The following SOX5 variants were observed in gnomAD, a reference collection of about 807,000 sequenced individuals.
The protein encoded by SOX5 is SRY-box transcription factor 5.
In SOX5, 9 loss-of-function variants were observed where a neutral mutation model predicts 92.0. The observed-to-expected ratio is 0.10, with a 90% CI of 0.06 to 0.17. SOX5 has a LOEUF of 0.17. Ranked by LOEUF, SOX5 falls within the 10% of genes least tolerant of loss-of-function variation. The pLI, the probability that SOX5 is intolerant of heterozygous loss-of-function variation, is 1.00. For synonymous variants in SOX5, 344 were observed against 336.3 expected (o/e 1.02, Z -0.25); for missense variants, 642 against 944.5 (o/e 0.68, Z 4.20).
intron 5 of SOX5, among the ~76,000 whole-genome samples, chr12:23,739,385 G>A (rs1168370674): frequency 3.3e-5 from 5 of 151,392 alleles, no homozygotes; most frequent in Admixed American, 1.3e-4. Context: ...GTCTGATTTC[G>A]GCTACTAAAA....
At chr12:23,943,453 G>C (rs1944018948) in intron 1 of SOX5, among the ~76,000 whole-genome samples, 1 of 152,006 alleles carries the variant, frequency 6.6e-6, no homozygotes, top group Non-Finnish European at 1.5e-5. Context: ...GGCATAGTAG[G>C]TTTAGATAAT....
chr12:24,216,773 C>G lies in SOX5; in HGVS notation c.-76-3356G>C, dbSNP rs150102772. On this transcript the variant is annotated intron_variant, in intron 3 of 4. Transcript: ENST00000446891. ...CAAAACCCCATCTCTACCAAAAATA[C>G]AAAAATTAGCTGGGCAGGGTGGTGC... Among the ~76,000 whole-genome samples the G allele has an allele frequency of 2.1e-3, 323 of 152,136 alleles. 3 individuals carry two copies. Among genetic ancestry groups the G allele is most frequent in the African/African-American group, 7.1e-3 (293 of 41,514 alleles).
At chr12:23,648,670 C>A (rs1479445) in intron 7 of SOX5, among the ~76,000 whole-genome samples, 1 of 152,100 alleles carries the variant, frequency 6.6e-6, no homozygotes, top group Non-Finnish European at 1.5e-5. Flanking sequence ...AACCTGCTGA[C>A]ACTCTGATCT....
intron 1 of SOX5, among the ~76,000 whole-genome samples, chr12:24,403,058 C>G (rs1962123838): frequency 5.3e-5 from 8 of 152,154 alleles, no homozygotes; most frequent in Admixed American, 5.2e-4. Flanking sequence ...TACTCCAATC[C>G]CATTCTCTGT....
intron 4 of SOX5, among the ~76,000 whole-genome samples, chr12:24,014,128 C>G (rs916621239): frequency 6.6e-6 from 1 of 152,110 alleles, no homozygotes; most frequent in Non-Finnish European, 1.5e-5. Flanking sequence ...ATTTCGGAAA[C>G]AGAACTGATG....
chr12:24,201,744 T>G (rs1249289818), intron 4 of SOX5, among the ~76,000 whole-genome samples: 1 of 152,254 alleles, frequency 6.6e-6, no homozygotes, highest in East Asian at 1.9e-4. Context: ...TTGGGAGGTG[T>G]GAGTCATCAG....
At chr12:24,520,244 G>A (rs1346360169) in intron 1 of SOX5, among the ~76,000 whole-genome samples, 2 of 151,956 alleles carry the variant, frequency 1.3e-5, no homozygotes, top group Non-Finnish European at 2.9e-5. Context: ...AAATCTAACA[G>A]TTAAAGGTAA....
intron 3 of SOX5, among the ~76,000 whole-genome samples, chr12:23,819,456 C>A (rs1056909624): frequency 6.6e-6 from 1 of 152,104 alleles, no homozygotes; most frequent in African/African-American, 2.4e-5. Context: ...ACTGTAAGTT[C>A]TGGGATACAT....
intron 6 of SOX5, among the ~76,000 whole-genome samples, chr12:23,721,055 G>T (rs928525010): frequency 6.6e-6 from 1 of 151,652 alleles, no homozygotes; most frequent in Middle Eastern, 3.2e-3. Context: ...TCTAAAGTCT[G>T]TTTTTCTATA....
At chr12:24,112,429 A>G (rs898664598) in intron 4 of SOX5, among the ~76,000 whole-genome samples, 1 of 152,018 alleles carries the variant, frequency 6.6e-6, no homozygotes, top group Admixed American at 6.6e-5. Context: ...GGTCCTTTAC[A>G]GAAAAGGTCT....
chr12:23,894,591 G>A (rs16926852), intron 2 of SOX5, among the ~76,000 whole-genome samples: 9,241 of 152,256 alleles, frequency 0.061, 369 homozygotes, highest in East Asian at 0.092. Flanking sequence ...CTTGACCTAT[G>A]AGGCTGAAAT....
chr12:23,561,437 C>T (rs1478774557), intron 11 of SOX5, among the ~76,000 whole-genome samples: 1 of 152,100 alleles, frequency 6.6e-6, no homozygotes, highest in African/African-American at 2.4e-5. Flanking sequence ...TGTGTTAGAA[C>T]AACAGCTGAT....
At chr12:23,848,743 G>A (rs1239569132) in intron 2 of SOX5, among the ~76,000 whole-genome samples, 2 of 152,150 alleles carry the variant, frequency 1.3e-5, no homozygotes, top group African/African-American at 4.8e-5. Context: ...AGCATAAGTG[G>A]TCCAGACCAG....
intron 8 of SOX5, among the ~76,000 whole-genome samples, chr12:23,622,967 G>C (rs1014936169): frequency 6.6e-6 from 1 of 152,014 alleles, no homozygotes; most frequent in African/African-American, 2.4e-5. Context: ...ATTCTTTAAA[G>C]ATCAATCCAA....
At chr12:23,895,224 A>C (rs2097165471) in intron 2 of SOX5, among the ~76,000 whole-genome samples, 1 of 151,806 alleles carries the variant, frequency 6.6e-6, no homozygotes, top group Admixed American at 6.6e-5. Context: ...AAAAAAAAAA[A>C]AAAATTACCG....
intron 6 of SOX5, among the ~76,000 whole-genome samples, chr12:23,696,136 T>C (rs1170111062): frequency 2.0e-4 from 31 of 151,966 alleles, no homozygotes; most frequent in Non-Finnish European, 1.5e-5. Context: ...TACCTTCATG[T>C]GGTTTTGGGA....
intron 3 of SOX5, among the ~76,000 whole-genome samples, chr12:24,255,202 C>G (rs984285213): frequency 6.6e-6 from 1 of 152,086 alleles, no homozygotes; most frequent in African/African-American, 2.4e-5. Flanking sequence ...ACTAGATATA[C>G]TGTATATGTA....
chr12:24,210,061 T>C (rs1958441301), intron 4 of SOX5, among the ~76,000 whole-genome samples: 1 of 148,376 alleles, frequency 6.7e-6, no homozygotes. Context: ...TAATCCTTCC[T>C]TCCAAGTATC....
intron 2 of SOX5, among the ~76,000 whole-genome samples, chr12:24,306,491 C>T (rs1174807521): frequency 6.6e-6 from 1 of 152,178 alleles, no homozygotes; most frequent in East Asian, 1.9e-4. Context: ...CTTACACTTT[C>T]CCATGACCAT....
Sources: allele counts gnomAD v4.1 joint callset (sites outside exome capture counted in the v4.1 genomes callset), GRCh38; gene constraint gnomAD v4.1.1; transcripts MANE v1.5; gene names NCBI Gene and HGNC (gene_info 2026-07-23, HGNC 2026-07-21).